The following NFATC3 variants were observed in gnomAD, a reference collection of about 807,000 sequenced individuals.
NFATC3 encodes the protein nuclear factor of activated T-cells, cytoplasmic 3.
NFATC3 carries 46 observed loss-of-function variants against 98.6 expected under a neutral mutation model. The observed-to-expected ratio is 0.47, with a 90% CI of 0.37 to 0.60. NFATC3 has a LOEUF of 0.60. Among genes scored for constraint, NFATC3 ranks in the 20% least tolerant of loss-of-function variants. The pLI is 0.00. For synonymous variants in NFATC3, 512 were observed against 472.2 expected (o/e 1.08, Z -1.09); for missense variants, 1,256 against 1,295.5 (o/e 0.97, Z 0.47).
chr16:68,208,851 T>C (rs1438020334), intron 9 of NFATC3, among the ~76,000 whole-genome samples: 1 of 152,238 alleles, frequency 6.6e-6, no homozygotes, highest in Non-Finnish European at 1.5e-5. Flanking sequence ...TTGGTGACTT[T>C]ATTTGTTAGT....
At chr16:68,159,141 A>G (rs1359026881) in intron 4 of NFATC3, among the ~76,000 whole-genome samples, 3 of 152,196 alleles carry the variant, frequency 2.0e-5, no homozygotes, top group African/African-American at 7.2e-5. Flanking sequence ...CTGAGGTAGG[A>G]GGATCACTTG....
intron 7 of NFATC3, 150 bp from the exon 8 acceptor site, chr16:68,183,090 G>A (rs2040016395): frequency 1.3e-6 from 1 of 760,180 alleles, no homozygotes; most frequent in Admixed American, 2.9e-5. Context: ...TATCCCTTTA[G>A]TAAATCTCCA....
intron 1 of NFATC3, among the ~76,000 whole-genome samples, chr16:68,107,267 TG>T (rs1226270367): frequency 2.0e-5 from 3 of 152,238 alleles, no homozygotes; most frequent in Non-Finnish European, 4.4e-5. Flanking sequence ...TACCCAGTAA[TG>T]GGATTGCTAG....
intron 1 of NFATC3, among the ~76,000 whole-genome samples, chr16:68,101,306 G>A (rs925083694): frequency 2.0e-5 from 3 of 151,744 alleles, no homozygotes; most frequent in Admixed American, 6.6e-5. Context: ...ACCATGCCCC[G>A]CCAATTTTTA....
chr16:68,223,085 C>A (rs921233263), intron 9 of NFATC3, among the ~76,000 whole-genome samples: 1 of 152,208 alleles, frequency 6.6e-6, no homozygotes, highest in African/African-American at 2.4e-5. Context: ...AAAATATATT[C>A]TTATGCAAAG....
At chr16:68,213,306 T>C (rs1351964914) in intron 9 of NFATC3, among the ~76,000 whole-genome samples, 1 of 151,256 alleles carries the variant, frequency 6.6e-6, no homozygotes, top group South Asian at 2.1e-4. Flanking sequence ...TCCCAGGTAC[T>C]CAGGAGGCTG....
In NFATC3 at chr16:68,158,036, T is replaced by A; in HGVS notation, c.1569T>A (p.Ile523=). 6.2e-7 allele frequency: 1 copy of A among 1,612,960 alleles called. No homozygotes were observed. The highest frequency in any genetic ancestry group is 8.5e-7 in the Non-Finnish European group (1 of 1,179,424). The change falls in exon 4 of 10, where the codon ATT becomes ATA. Residue 523 remains isoleucine (I), a synonymous_variant. Coordinates refer to ENST00000346183, the MANE Select transcript of NFATC3 (RefSeq NM_173165.3). ...TTGCCAGTACAAAAGTTCTGGAAAT[T>A]CCACTTCTTCCTGAAAATAATATGT... ...IIIASTKVLE[I]PLLPENNMSA...
intron 9 of NFATC3, among the ~76,000 whole-genome samples, chr16:68,203,645 A>AT (rs1488825919): frequency 2.0e-5 from 3 of 152,224 alleles, no homozygotes; most frequent in African/African-American, 7.2e-5. Context: ...AATAAATAAA[A>AT]TGCAATTAAA....
intron 1 of NFATC3, among the ~76,000 whole-genome samples, chr16:68,107,291 T>C (rs768237991): frequency 3.3e-5 from 5 of 152,226 alleles, no homozygotes; most frequent in Non-Finnish European, 5.9e-5. Context: ...AAAATGATAT[T>C]TTTGGTTCTA....
intron 3 of NFATC3, among the ~76,000 whole-genome samples, chr16:68,137,618 CTTTT>C (rs751871604): frequency 7.0e-6 from 1 of 142,438 alleles, no homozygotes; most frequent in African/African-American, 2.6e-5. Flanking sequence ...CATTTTCCTT[CTTTT>C]TTTTTTTTTT....
intron 3 of NFATC3, among the ~76,000 whole-genome samples, chr16:68,142,308 CT>C (rs1172523950): frequency 6.6e-6 from 1 of 152,084 alleles, no homozygotes; most frequent in Non-Finnish European, 1.5e-5. Flanking sequence ...TGTAAGTACA[CT>C]TCTAGGTATT....
chr16:68,096,069 T>G (rs2151449938), intron 1 of NFATC3, among the ~76,000 whole-genome samples: 1 of 152,290 alleles, frequency 6.6e-6, no homozygotes, highest in Non-Finnish European at 1.5e-5. Flanking sequence ...ATCACTGCAG[T>G]CTTAACTCAG....
chr16:68,128,117 A>C (rs2036935484), intron 3 of NFATC3, among the ~76,000 whole-genome samples: 1 of 152,110 alleles, frequency 6.6e-6, no homozygotes, highest in Non-Finnish European at 1.5e-5. Flanking sequence ...GTAGATGATA[A>C]TCTCTTAGAA....
intron 1 of NFATC3, among the ~76,000 whole-genome samples, chr16:68,094,609 A>G (rs1285751870): frequency 6.6e-6 from 1 of 152,036 alleles, no homozygotes; most frequent in Non-Finnish European, 1.5e-5. Context: ...GTACATACCC[A>G]GTTGTCTCTG....
intron 9 of NFATC3, among the ~76,000 whole-genome samples, chr16:68,223,619 A>C (rs2041942278): frequency 1.3e-5 from 2 of 152,122 alleles, no homozygotes; most frequent in South Asian, 4.1e-4. Context: ...ACAAAACACC[A>C]GGCGTGGTGG....
chr16:68,102,028 T>G (rs1386348237), intron 1 of NFATC3, among the ~76,000 whole-genome samples: 1 of 152,232 alleles, frequency 6.6e-6, no homozygotes. Flanking sequence ...AGTACTTCCT[T>G]CAGTAGCTTA....
chr16:68,138,583 G>A, intron 3 of NFATC3: 1 of 1,289,146 alleles, frequency 7.8e-7, no homozygotes, highest in Non-Finnish European at 1.0e-6. Context: ...AAAGAAGAAG[G>A]TGTATGGAAA....
At chr16:68,202,925 G>T (rs892186570) in intron 9 of NFATC3, among the ~76,000 whole-genome samples, 3 of 152,210 alleles carry the variant, frequency 2.0e-5, no homozygotes, top group African/African-American at 7.2e-5. Context: ...ATGGGCACTG[G>T]AGTGGAGGGA....
chr16:68,097,599 A>G lies in NFATC3; in HGVS notation c.103+11815A>G, dbSNP rs374524012. Among the ~76,000 whole-genome samples, 35 of 152,352 alleles carry G rather than the reference A, an allele frequency of 2.3e-4. No individual in the cohort carries two copies. In the East Asian group the frequency reaches 6.7e-3, roughly 29 times the overall value. On this transcript the variant is annotated intron_variant, in intron 1 of 9. Transcript: ENST00000346183. ...AGAACAGGACTCTGGAAACAACAGTATTGCAAGGATGGCAAGGAGAGAAGT... is the reference window on the plus strand; with the variant it reads ...AGAACAGGACTCTGGAAACAACAGTGTTGCAAGGATGGCAAGGAGAGAAGT...
Sources: gnomAD v4.1 joint callset for allele counts (sites outside exome capture counted in the v4.1 genomes callset) on GRCh38, gnomAD v4.1.1 for gene constraint, MANE v1.5 for transcripts, NCBI Gene and HGNC (gene_info 2026-07-23, HGNC 2026-07-21) for gene names.